The following CCDC7 variants were observed in gnomAD, a reference collection of about 807,000 sequenced individuals.
CCDC7 encodes coiled-coil domain containing 7.
Under a neutral mutation model 196.9 loss-of-function variants are expected in CCDC7, and 183 were observed. That is an observed-to-expected ratio of 0.93 (90% CI 0.82 to 1.05). The LOEUF is 1.05. CCDC7 is among the 50% of genes least tolerant of loss of function. The pLI is 0.00. For missense variants in CCDC7, 1,540 were observed against 1,482.2 expected, an observed-to-expected ratio of 1.04 and a Z score of -0.64; for synonymous variants, 525 against 484.6, an observed-to-expected ratio of 1.08 and a Z score of -1.10.
chr10:32,450,893 T>C (rs2032884747), upstream of CCDC7, among the ~76,000 whole-genome samples: 2 of 152,196 alleles, frequency 1.3e-5, no homozygotes, highest in African/African-American at 4.8e-5. Context: ...AAATGCCCCA[T>C]AAACAAATGA....
intron 11 of CCDC7, among the ~76,000 whole-genome samples, chr10:32,519,835 A>G (rs553443312): frequency 4.3e-4 from 65 of 151,902 alleles, no homozygotes; most frequent in Non-Finnish European, 2.9e-4. Flanking sequence ...CTTTCCAACT[A>G]CATTTTTTGT....
In CCDC7 at chr10:32,472,463, T is replaced by C; in HGVS notation, c.678-18T>C. ...CTTTGATATATTAAAAAATATTTCA[T>C]TTATCGAACTTTAACAGGGATAAAG... On this transcript the variant is annotated intron_variant, in intron 6 of 41. Coordinates refer to ENST00000639629, the Ensembl canonical transcript of CCDC7. The C allele has an allele frequency of 6.4e-7, 1 of 1,559,450 alleles. No individual in the cohort carries two copies. Among genetic ancestry groups the C allele is most frequent in the Non-Finnish European group, 8.7e-7 (1 of 1,155,622 alleles).
Position 32,544,752 on chromosome 10 carries a change from G to A in CCDC7, c.1134+451G>A, listed in dbSNP as rs143850349. On this transcript the variant is annotated intron_variant, in intron 13 of 41. Coordinates refer to ENST00000639629, the Ensembl canonical transcript of CCDC7. ...TAAAAAGGTGTAAACATTTTAAGAT[G>A]CAACGAAAAACTTCTTCAGAAATTG... Among the ~76,000 whole-genome samples, 911 of 152,204 alleles carry A rather than the reference G, an allele frequency of 6.0e-3. 9 individuals carry two copies. Among genetic ancestry groups the A allele is most frequent in the African/African-American group, 0.021 (868 of 41,546 alleles).
chr10:32,482,167 A>C, intron 8 of CCDC7, among the ~76,000 whole-genome samples: 1 of 149,062 alleles, frequency 6.7e-6, no homozygotes, highest in East Asian at 1.9e-4. Context: ...TAAATCCTGT[A>C]GGCTTTATTT....
chr10:32,708,692 T>A (rs1168517876), intron 24 of CCDC7, among the ~76,000 whole-genome samples: 1 of 152,172 alleles, frequency 6.6e-6, no homozygotes, highest in African/African-American at 2.4e-5. Context: ...AAAGGAGACA[T>A]TTATGCAGCC....
At chr10:32,842,413 G>C (rs905793923) in intron 33 of CCDC7, among the ~76,000 whole-genome samples, 5 of 152,008 alleles carry the variant, frequency 3.3e-5, no homozygotes, top group Admixed American at 2.6e-4. Flanking sequence ...ATTCCTGCAA[G>C]AATGGCCATC....
chr10:32,860,810 A>G (rs1299502556), intron 41 of CCDC7, among the ~76,000 whole-genome samples: 1 of 152,194 alleles, frequency 6.6e-6, no homozygotes, highest in African/African-American at 2.4e-5. Context: ...CCCATTCACA[A>G]TTGCTACAAA....
chr10:32,633,245 A>C (rs1028831506), intron 18 of CCDC7, among the ~76,000 whole-genome samples: 1 of 152,156 alleles, frequency 6.6e-6, no homozygotes, highest in African/African-American at 2.4e-5. Context: ...ACATTCATAC[A>C]CACATGTTCT....
chr10:32,485,331 G>T (rs1236349929), intron 8 of CCDC7, among the ~76,000 whole-genome samples: 1 of 152,142 alleles, frequency 6.6e-6, no homozygotes, highest in African/African-American at 2.4e-5. Flanking sequence ...CTGTAGGATT[G>T]GTGGTGATAT....
chr10:32,875,079 T>G (rs1557149), intron 41 of CCDC7, among the ~76,000 whole-genome samples: 7 of 152,054 alleles, frequency 4.6e-5, no homozygotes, highest in Non-Finnish European at 8.8e-5. Context: ...TTTTTGTATG[T>G]TTCATCAAAG....
chr10:32,482,531 G>T lies in CCDC7; in HGVS notation c.796+8508G>T, dbSNP rs529859710. Among the ~76,000 whole-genome samples, 75 of 152,034 alleles carry T rather than the reference G, an allele frequency of 4.9e-4. 1 individual carries two copies. In the Middle Eastern group the frequency reaches 0.014, roughly 28 times the overall value. ...TTTTTATTATACTTTAAGTTTTAGG[G>T]TACATGTGCACAACGTGCAGGTTAG... On this transcript the variant is annotated intron_variant, in intron 8 of 41. Coordinates refer to ENST00000639629, the Ensembl canonical transcript of CCDC7.
intron 28 of CCDC7, among the ~76,000 whole-genome samples, chr10:32,755,384 A>G (rs2076264700): frequency 6.6e-6 from 1 of 152,112 alleles, no homozygotes; most frequent in Non-Finnish European, 1.5e-5. Flanking sequence ...GCCGACTGAC[A>G]CCTCATACAG....
upstream of CCDC7, chr10:32,451,589 C>T (rs894305292): frequency 5.9e-6 from 9 of 1,515,154 alleles, no homozygotes; most frequent in South Asian, 1.2e-4. Context: ...TTTTTTTTCA[C>T]AGGGAGGAAT....
chr10:32,728,256 G>T (rs1029953983), intron 26 of CCDC7, among the ~76,000 whole-genome samples: 10 of 152,008 alleles, frequency 6.6e-5, no homozygotes, highest in Admixed American at 1.3e-4. Flanking sequence ...ATCTCAGAAG[G>T]TTCTACATTT....
upstream of CCDC7, among the ~76,000 whole-genome samples, chr10:32,443,906 A>G (rs1298486069): frequency 6.6e-6 from 1 of 152,192 alleles, no homozygotes; most frequent in Admixed American, 6.5e-5. Flanking sequence ...AAAAGTTGAC[A>G]TTTTAGCAAT....
At chr10:32,730,986 T>TA (rs1188949608) in intron 28 of CCDC7, among the ~76,000 whole-genome samples, 1 of 152,136 alleles carries the variant, frequency 6.6e-6, no homozygotes, top group Admixed American at 6.5e-5. Context: ...TTGTGTCATT[T>TA]ACATTTATTT....
intron 11 of CCDC7, among the ~76,000 whole-genome samples, chr10:32,531,404 G>C (rs756514464): frequency 1.6e-4 from 25 of 152,172 alleles, no homozygotes; most frequent in Non-Finnish European, 3.1e-4. Context: ...AATTATATAT[G>C]TGAGCCACTG....
chr10:32,471,758 C>A (rs1470719828), intron 6 of CCDC7, among the ~76,000 whole-genome samples: 1 of 152,078 alleles, frequency 6.6e-6, no homozygotes, highest in African/African-American at 2.4e-5. Context: ...AATATACATA[C>A]CCATAGTTGG....
intron 21 of CCDC7, among the ~76,000 whole-genome samples, chr10:32,670,020 A>G (rs2073737669): frequency 6.6e-6 from 1 of 152,104 alleles, no homozygotes; most frequent in South Asian, 2.1e-4. Context: ...TATTACATCC[A>G]TCTTCGCTTG....
Sources: gnomAD v4.1 joint callset for allele counts (sites outside exome capture counted in the v4.1 genomes callset) on GRCh38, gnomAD v4.1.1 for gene constraint, MANE v1.5 for transcripts, NCBI Gene and HGNC (gene_info 2026-07-23, HGNC 2026-07-21) for gene names.